Variants in RP1 observed in about 807,000 individuals in gnomAD.
The protein encoded by RP1 is RP1 axonemal microtubule associated, also known as oxygen-regulated protein 1.
In RP1, 16 loss-of-function variants were observed where a neutral mutation model predicts 14.8. The ratio of observed to expected loss-of-function variants is 1.08; its 90% CI spans 0.73 to 1.65. The LOEUF is 1.65. Among genes scored for constraint, RP1 ranks in the 40% most tolerant of loss-of-function variants. The probability of loss-of-function intolerance (pLI) is 0.00; values close to 1 mark genes in which losing one functional copy is unlikely to be tolerated. For missense variants in RP1, 2,631 were observed against 2,535.0 expected, an observed-to-expected ratio of 1.04 and a Z score of -0.81; for synonymous variants, 876 against 883.6, an observed-to-expected ratio of 0.99 and a Z score of 0.15.
intron 23 of RP1, among the ~76,000 whole-genome samples, chr8:54,778,144 C>T (rs1810088148): frequency 6.6e-6 from 1 of 152,062 alleles, no homozygotes; most frequent in Non-Finnish European, 1.5e-5. Context: ...AATACAGAGA[C>T]ATTTAAGGCT....
chr8:54,586,496 C>A lies in RP1; in HGVS notation c.-13+27176C>A, dbSNP rs541807090. On this transcript the variant is annotated intron_variant, in intron 1 of 22. Coordinates refer to the RP1 transcript ENST00000636932. Reference sequence around the variant, plus strand: ...CCATTGTCAGATCTCCAGTTGTGTGCTGGGAGAACCACTAGTCTCTTCAAA... The same window carrying A: ...CCATTGTCAGATCTCCAGTTGTGTGATGGGAGAACCACTAGTCTCTTCAAA... 5.9e-5 allele frequency among the ~76,000 whole-genome samples: 9 copies of A among 152,298 alleles called. No homozygotes were observed. The South Asian group carries it at 1.0e-3, about 18-fold the overall frequency.
chr8:54,684,021 A>AGGGATGTTG (rs1489798389), intron 12 of RP1, among the ~76,000 whole-genome samples: 1 of 147,614 alleles, frequency 6.8e-6, no homozygotes, highest in Non-Finnish European at 1.5e-5. Flanking sequence ...TTTAACATGA[A>AGGGATGTTG]GGGATGTTGA....
intron 12 of RP1, among the ~76,000 whole-genome samples, chr8:54,681,497 TGTG>T (rs1346652556): frequency 1.3e-5 from 2 of 151,204 alleles, no homozygotes; most frequent in Non-Finnish European, 2.9e-5. Flanking sequence ...TGTGTGTGTG[TGTG>T]TGTGTGTGTG....
At chr8:54,840,840 C>A (rs1156844937) in intron 25 of RP1, among the ~76,000 whole-genome samples, 1 of 152,100 alleles carries the variant, frequency 6.6e-6, no homozygotes, top group Non-Finnish European at 1.5e-5. Flanking sequence ...CTAACCATTT[C>A]TTAAGGTATT....
chr8:54,660,415 T>C (rs1293726267), intron 6 of RP1, among the ~76,000 whole-genome samples: 1 of 152,228 alleles, frequency 6.6e-6, no homozygotes, highest in East Asian at 1.9e-4. Flanking sequence ...AGAATGCTTT[T>C]TCTGCATTGA....
intron 1 of RP1, among the ~76,000 whole-genome samples, chr8:54,592,269 C>G (rs534929220): frequency 6.6e-6 from 1 of 152,136 alleles, no homozygotes. Context: ...GGTACTTGTG[C>G]AATTTGGGAG....
At chr8:54,822,791 C>T (rs1414937896) in intron 24 of RP1, among the ~76,000 whole-genome samples, 2 of 152,150 alleles carry the variant, frequency 1.3e-5, no homozygotes, top group East Asian at 3.9e-4. Flanking sequence ...CACCGTGTGT[C>T]CCAAAATGGT....
intron 15 of RP1, among the ~76,000 whole-genome samples, chr8:54,711,441 CTG>C (rs1429601809): frequency 6.6e-6 from 1 of 152,220 alleles, no homozygotes; most frequent in African/African-American, 2.4e-5. Flanking sequence ...CTTGAATACT[CTG>C]TAAATCATAG....
At chr8:54,688,868 T>C (rs906307096) in intron 12 of RP1, among the ~76,000 whole-genome samples, 1 of 152,200 alleles carries the variant, frequency 6.6e-6, no homozygotes, top group Non-Finnish European at 1.5e-5. Context: ...GGTAACTTGA[T>C]GGGGATGGCA....
intron 24 of RP1, among the ~76,000 whole-genome samples, chr8:54,825,022 T>G (rs1192061529): frequency 1.3e-5 from 2 of 151,738 alleles, no homozygotes; most frequent in Non-Finnish European, 2.9e-5. Context: ...CTAGATAGAG[T>G]GCAGTGGCGC....
intron 6 of RP1, among the ~76,000 whole-genome samples, chr8:54,658,185 C>T (rs1309631270): frequency 1.3e-5 from 2 of 152,106 alleles, no homozygotes; most frequent in Admixed American, 6.5e-5. Context: ...CAGTTTTTGT[C>T]CTTTTGTGAC....
intron 25 of RP1, among the ~76,000 whole-genome samples, chr8:54,847,276 C>T (rs1263769134): frequency 6.6e-6 from 1 of 152,186 alleles, no homozygotes; most frequent in African/African-American, 2.4e-5. Flanking sequence ...TTCTAAGATT[C>T]TTTCAGTCTG....
chr8:54,789,176 A>G (rs1810401478), intron 24 of RP1, among the ~76,000 whole-genome samples: 1 of 152,234 alleles, frequency 6.6e-6, no homozygotes, highest in Admixed American at 6.5e-5. Flanking sequence ...ACTTGGCGAT[A>G]GCACTGCATC....
intron 24 of RP1, among the ~76,000 whole-genome samples, chr8:54,799,416 T>C (rs1429640077): frequency 6.6e-6 from 1 of 152,116 alleles, no homozygotes. Context: ...TAGTATGGAG[T>C]TGGGTCTTGC....
upstream of RP1, among the ~76,000 whole-genome samples, chr8:54,612,090 A>G (rs1044554691): frequency 2.6e-5 from 4 of 152,154 alleles, no homozygotes; most frequent in Admixed American, 2.0e-4. Context: ...TGAATATCTC[A>G]TCTTTAAGTG....
chr8:54,824,023 C>T (rs967597804), intron 24 of RP1, among the ~76,000 whole-genome samples: 2 of 152,082 alleles, frequency 1.3e-5, no homozygotes, highest in Non-Finnish European at 2.9e-5. Context: ...TCTTAATTTG[C>T]ATTTCTCTAA....
exon 11 of RP1, chr8:54,679,600 G>C (rs377342843): frequency 2.0e-6 from 3 of 1,535,940 alleles, no homozygotes; most frequent in East Asian, 2.4e-5. Flanking sequence ...TCTCAGGGCA[G>C]AAATTGGAAC....
intron 15 of RP1, among the ~76,000 whole-genome samples, chr8:54,716,607 T>C (rs1308171876): frequency 1.3e-5 from 2 of 152,194 alleles, no homozygotes; most frequent in Non-Finnish European, 2.9e-5. Flanking sequence ...TAACCTCTGG[T>C]CTTAATGGTC....
chr8:54,730,059 A>T (rs1321618313), intron 17 of RP1, among the ~76,000 whole-genome samples: 1 of 152,060 alleles, frequency 6.6e-6, no homozygotes, highest in Admixed American at 6.6e-5. Context: ...TGAGGATTTG[A>T]AGGGACCTCT....
Sources: allele counts gnomAD v4.1 joint callset (sites outside exome capture counted in the v4.1 genomes callset), GRCh38; gene constraint gnomAD v4.1.1; transcripts MANE v1.5; gene names NCBI Gene and HGNC (gene_info 2026-07-23, HGNC 2026-07-21).